EPM2A: variants seen among roughly 807,000 people sequenced by gnomAD.
The protein encoded by EPM2A is laforin.
In EPM2A, 21 loss-of-function variants were observed where a neutral mutation model predicts 26.5. The observed-to-expected ratio is 0.79, with a 90% CI of 0.56 to 1.14. The LOEUF (loss-of-function observed/expected upper bound fraction) is 1.14. Among genes scored for constraint, EPM2A ranks in the 50% most tolerant of loss-of-function variants. EPM2A has a pLI of 0.00. For synonymous variants in EPM2A, 217 were observed against 177.6 expected (o/e 1.22, Z -1.76); for missense variants, 458 against 440.8 (o/e 1.04, Z -0.35).
chr6:145,533,849 TG>T (rs1401312506), intron 2 of EPM2A, among the ~76,000 whole-genome samples: 1 of 152,170 alleles, frequency 6.6e-6, no homozygotes, highest in African/African-American at 2.4e-5. Context: ...GCTTGTTTAT[TG>T]TTTCTCTCTC....
At chr6:145,475,501 A>C (rs1415821367) in intron 4 of EPM2A, among the ~76,000 whole-genome samples, 1 of 152,076 alleles carries the variant, frequency 6.6e-6, no homozygotes, top group Non-Finnish European at 1.5e-5. Flanking sequence ...ATTAGGAGAA[A>C]TATCTAATGT....
chr6:145,635,981 C>A (rs1036680640), intron 2 of EPM2A: 1 of 179,044 alleles, frequency 5.6e-6, no homozygotes, highest in African/African-American at 2.4e-5. Context: ...AAACAACAGA[C>A]TTCTTTTAAT....
At chr6:145,417,832 A>G (rs114695586) in intron 4 of EPM2A, among the ~76,000 whole-genome samples, 1,943 of 152,146 alleles carry the variant, frequency 0.013, 42 homozygotes, top group African/African-American at 0.045. Flanking sequence ...TAGGCTGTGT[A>G]TGGCTATATT....
Position 145,596,008 on chromosome 6 carries a change from T to C in EPM2A, c.340+39237A>G, listed in dbSNP as rs1259186269. 2.0e-5 allele frequency among the ~76,000 whole-genome samples: 3 copies of C among 152,304 alleles called. No individual in the cohort carries two copies. In the East Asian group the frequency reaches 5.8e-4, roughly 29 times the overall value. ...AAAATAGATGTTAGTAACAAAATGT[T>C]AACCCAAAACAGTAAAATCATTGGA... On this transcript the variant is annotated intron_variant, in intron 2 of 3. Transcript: ENST00000450221.
chr6:145,526,489 C>T (rs1346965387), intron 2 of EPM2A, among the ~76,000 whole-genome samples: 1 of 151,724 alleles, frequency 6.6e-6, no homozygotes, highest in Non-Finnish European at 1.5e-5. Context: ...TTAATCTGTT[C>T]AAGATTTCAA....
At chr6:145,564,569 A>C (rs75636441) in intron 2 of EPM2A, among the ~76,000 whole-genome samples, 92 of 152,322 alleles carry the variant, frequency 6.0e-4, no homozygotes, top group African/African-American at 2.2e-3. Flanking sequence ...GAAGCTCAGC[A>C]GTTTGTGAAA....
intron 2 of EPM2A, among the ~76,000 whole-genome samples, chr6:145,525,871 G>A (rs1033544859): frequency 1.3e-5 from 2 of 151,526 alleles, no homozygotes; most frequent in Non-Finnish European, 3.0e-5. Context: ...TCTTGATCGT[G>A]TTCTCAATGG....
intron 2 of EPM2A, among the ~76,000 whole-genome samples, chr6:145,669,598 C>A (rs1455817822): frequency 6.6e-6 from 1 of 152,144 alleles, no homozygotes; most frequent in Non-Finnish European, 1.5e-5. Flanking sequence ...TTAATTCTAG[C>A]ACTGAAAAAC....
chr6:145,704,138 T>G (rs1160158204), intron 1 of EPM2A, among the ~76,000 whole-genome samples: 1 of 152,196 alleles, frequency 6.6e-6, no homozygotes, highest in Non-Finnish European at 1.5e-5. Context: ...GCAGAAGTTC[T>G]TAATAAATTG....
chr6:145,388,277 CAG>C (rs1778289772), intron 4 of EPM2A, among the ~76,000 whole-genome samples: 1 of 152,140 alleles, frequency 6.6e-6, no homozygotes, highest in East Asian at 1.9e-4. Flanking sequence ...TGAAGATCCA[CAG>C]AGTTCTTTTA....
chr6:145,528,934 G>C (rs139944391), intron 2 of EPM2A, among the ~76,000 whole-genome samples: 197 of 152,210 alleles, frequency 1.3e-3, no homozygotes, highest in African/African-American at 4.5e-3. Context: ...CAGGAATTTG[G>C]AAGAAGTTAA....
intron 4 of EPM2A, among the ~76,000 whole-genome samples, chr6:145,455,758 C>A (rs1779255593): frequency 5.3e-5 from 8 of 152,090 alleles, no homozygotes. Flanking sequence ...ACAAGATAGT[C>A]ATTTGTTTCA....
At chr6:145,510,071 C>T (rs893725753) in intron 2 of EPM2A, among the ~76,000 whole-genome samples, 8 of 151,910 alleles carry the variant, frequency 5.3e-5, no homozygotes, top group Admixed American at 2.6e-4. Context: ...CATTGGAGCA[C>T]CCAGATTCAC....
chr6:145,579,822 T>A (rs1433268314), intron 2 of EPM2A, among the ~76,000 whole-genome samples: 1 of 152,162 alleles, frequency 6.6e-6, no homozygotes, highest in Non-Finnish European at 1.5e-5. Flanking sequence ...GCATTCTGTC[T>A]TCTCTTTGTT....
intron 2 of EPM2A, among the ~76,000 whole-genome samples, chr6:145,604,860 T>A (rs920363373): frequency 1.3e-5 from 2 of 152,146 alleles, no homozygotes; most frequent in Non-Finnish European, 2.9e-5. Context: ...AAAAATAGAA[T>A]AAAGCATATT....
At chr6:145,458,322 T>C (rs1325983194) in intron 4 of EPM2A, among the ~76,000 whole-genome samples, 1 of 121,814 alleles carries the variant, frequency 8.2e-6, no homozygotes, top group African/African-American at 3.1e-5. Context: ...GGCCGAACGC[T>C]ATTTTGTCTC....
At chr6:145,552,009 C>A (rs1780661768) in intron 2 of EPM2A, among the ~76,000 whole-genome samples, 1 of 151,590 alleles carries the variant, frequency 6.6e-6, no homozygotes. Flanking sequence ...AAACTTGAGA[C>A]TAAATAACTG....
At chr6:145,485,843 G>A (rs1238361510) in intron 4 of EPM2A, among the ~76,000 whole-genome samples, 3 of 152,144 alleles carry the variant, frequency 2.0e-5, no homozygotes, top group Non-Finnish European at 2.9e-5. Flanking sequence ...CTCACGTGGC[G>A]GCAGACAAGA....
chr6:145,572,065 A>G (rs949774072), intron 2 of EPM2A, among the ~76,000 whole-genome samples: 7 of 152,254 alleles, frequency 4.6e-5, no homozygotes, highest in Non-Finnish European at 8.8e-5. Context: ...TGCATGAATT[A>G]GTATATAATC....
Sources: allele counts gnomAD v4.1 joint callset (sites outside exome capture counted in the v4.1 genomes callset), GRCh38; gene constraint gnomAD v4.1.1; transcripts MANE v1.5; gene names NCBI Gene and HGNC (gene_info 2026-07-23, HGNC 2026-07-21).